The following KIAA0753 variants were observed in gnomAD, a reference collection of about 807,000 sequenced individuals.
The protein encoded by KIAA0753 is KIAA0753, also known as protein moonraker.
KIAA0753 carries 114 observed loss-of-function variants against 116.9 expected under a neutral mutation model. The ratio of observed to expected loss-of-function variants is 0.98; its 90% CI spans 0.84 to 1.14. KIAA0753 has a LOEUF of 1.14. KIAA0753 is among the 50% of genes most tolerant of loss of function. The pLI is 0.00. For missense variants in KIAA0753, 1,156 were observed against 1,172.4 expected, an observed-to-expected ratio of 0.99 and a Z score of 0.20; for synonymous variants, 405 against 413.1, an observed-to-expected ratio of 0.98 and a Z score of 0.24.
intron 2 of KIAA0753, among the ~76,000 whole-genome samples, chr17:6,631,889 A>T (rs1003865826): frequency 2.0e-5 from 3 of 151,826 alleles, no homozygotes; most frequent in Non-Finnish European, 4.4e-5. Context: ...AGTATCTTTT[A>T]TTTATTTATT....
chr17:6,580,913 C>CAA (rs753772949), intron 18 of KIAA0753, among the ~76,000 whole-genome samples: 1 of 149,780 alleles, frequency 6.7e-6, no homozygotes, highest in Non-Finnish European at 1.5e-5. Context: ...CACACACACA[C>CAA]ACACACACAC....
intron 18 of KIAA0753, among the ~76,000 whole-genome samples, chr17:6,585,149 C>CACA (rs66729543): frequency 6.6e-6 from 1 of 151,826 alleles, no homozygotes; most frequent in Non-Finnish European, 1.5e-5. Context: ...TATCTGAGCA[C>CACA]ATGCTAGGTT....
At chr17:6,610,617 C>T (rs1970479310) in intron 8 of KIAA0753, among the ~76,000 whole-genome samples, 1 of 146,214 alleles carries the variant, frequency 6.8e-6, no homozygotes, top group Non-Finnish European at 1.5e-5. Context: ...AACTCCTGGG[C>T]TCAAGCGATT....
intron 7 of KIAA0753, among the ~76,000 whole-genome samples, chr17:6,619,962 C>T (rs1334077232): frequency 3.3e-5 from 5 of 152,104 alleles, no homozygotes; most frequent in Non-Finnish European, 7.4e-5. Flanking sequence ...TTACAATTAA[C>T]TACAAGTTGT....
chr17:6,628,737 T>C lies in KIAA0753; in HGVS notation c.98A>G (p.Gln33Arg), dbSNP rs781241219. Residue 33 changes from glutamine to arginine, a missense_variant, in exon 3 of 19, where the codon CAG becomes CGG. Coordinates refer to ENST00000361413, the MANE Select transcript of KIAA0753 (RefSeq NM_014804.3). ...SDPKVLQTQN[Q>R]LQFNRNVPTH... is the part of the protein sequence containing the mutation. Reference sequence around the variant, plus strand: ...AGGAACATTCCTATTAAACTGCAGCTGGTTCTTTAAAAAGCAAATAAAAGT... The same window carrying C: ...AGGAACATTCCTATTAAACTGCAGCCGGTTCTTTAAAAAGCAAATAAAAGT... 42 of 1,583,430 alleles carry C rather than the reference T, an allele frequency of 2.7e-5. No individual in the cohort carries two copies. The highest frequency in any genetic ancestry group is 3.3e-5 in the Non-Finnish European group (38 of 1,165,832).
chr17:6,617,487 G>A (rs972881568), intron 7 of KIAA0753, among the ~76,000 whole-genome samples: 10 of 152,102 alleles, frequency 6.6e-5, no homozygotes, highest in African/African-American at 2.4e-4. Context: ...CCAGTTTCTG[G>A]CCCAGAGCTC....
intron 16 of KIAA0753, among the ~76,000 whole-genome samples, chr17:6,594,279 C>CG (rs922146986): frequency 5.7e-5 from 1 of 17,604 alleles, no homozygotes; most frequent in African/African-American, 4.7e-4. Flanking sequence ...AGATTCTGAC[C>CG]CCCCCCCCCA....
At chr17:6,594,532 GTGGTTGCCTAC>G (rs1169024947) in intron 16 of KIAA0753, among the ~76,000 whole-genome samples, 1 of 152,232 alleles carries the variant, frequency 6.6e-6, no homozygotes, top group Non-Finnish European at 1.5e-5. Context: ...AGAAAGCACA[GTGGTTGCCTAC>G]GTGGCGGGGC....
Position 6,623,566 on chromosome 17 carries a change from T to C in KIAA0753, c.831A>G (p.Lys277=). The C allele has an allele frequency of 6.2e-7, 1 of 1,609,862 alleles. No individual in the cohort carries two copies. The highest frequency in any genetic ancestry group is 8.5e-7 in the Non-Finnish European group (1 of 1,177,984). ...ATTTATCCAATTCTTCCTGGATTTC[T>C]TTTACCTGTTTTGTAAAGGGGAAAA... ...RMLYVLQQQV[K]EIQEELDKLS... The change falls in exon 5 of 19, where the codon AAA becomes AAG. Residue 277 remains lysine (K), a synonymous_variant. Coordinates refer to ENST00000361413, the MANE Select transcript of KIAA0753 (RefSeq NM_014804.3).
chr17:6,624,393 G>T (rs927010954), intron 4 of KIAA0753, among the ~76,000 whole-genome samples: 2 of 152,094 alleles, frequency 1.3e-5, no homozygotes, highest in Admixed American at 6.5e-5. Context: ...AGGGTTCAGG[G>T]TAACTGATCC....
At chr17:6,623,724 C>T in intron 4 of KIAA0753, 153 bp from the exon 5 acceptor site, 1 of 1,098,972 alleles carries the variant, frequency 9.1e-7, no homozygotes, top group South Asian at 1.9e-5. Context: ...ATTCATGCAC[C>T]CAAAAAACAG....
At position 6,600,408 on chromosome 17, in the gene KIAA0753, C is replaced by T. The variant is rs758932943; in HGVS notation, c.2060G>A (p.Arg687His). Residue 687 changes from arginine to histidine, a missense_variant, in exon 13 of 19, where the codon CGT becomes CAT. Arg to His is a conservative substitution (Grantham distance 29). Transcript: ENST00000361413. ...ADKVEEAVLD[R>H]LKPLLVKAQR... Reference sequence around the variant, plus strand: ...GGCCTTGACCAAGAGAGGCTTCAAACGATCCAGAACTGCCTCCTCTACCTT... The same window carrying T: ...GGCCTTGACCAAGAGAGGCTTCAAATGATCCAGAACTGCCTCCTCTACCTT... The T allele has an allele frequency of 5.6e-6, 9 of 1,613,880 alleles. No individual in the cohort carries two copies. Among genetic ancestry groups the T allele is most frequent in the African/African-American group, 2.7e-5 (2 of 75,022 alleles).
intron 18 of KIAA0753, among the ~76,000 whole-genome samples, chr17:6,585,788 T>C (rs2150732736): frequency 6.6e-6 from 1 of 152,378 alleles, no homozygotes; most frequent in East Asian, 1.9e-4. Flanking sequence ...TGTTTTATTC[T>C]TCTCACTGTA....
intron 18 of KIAA0753, among the ~76,000 whole-genome samples, chr17:6,586,063 GTCTT>G (rs71383412): frequency 0.31 from 47,349 of 151,682 alleles, 9,338 homozygotes; most frequent in African/African-American, 0.56. Flanking sequence ...CTTTGGTGCT[GTCTT>G]TCTTCATGAT....
chr17:6,616,289 T>G (rs1196127396), intron 7 of KIAA0753, among the ~76,000 whole-genome samples: 1 of 152,196 alleles, frequency 6.6e-6, no homozygotes, highest in African/African-American at 2.4e-5. Context: ...TCCAGAGAAC[T>G]TAAGTTTACT....
At position 6,610,167 on chromosome 17, in the gene KIAA0753, G is replaced by A; in HGVS notation, c.1546-7C>T. On this transcript the variant is annotated splice_polypyrimidine_tract_variant and splice_region_variant and intron_variant, in intron 8 of 18. Coordinates refer to ENST00000361413, the MANE Select transcript of KIAA0753 (RefSeq NM_014804.3). ...TTTCAGCTTTGCGGAGTCCCTGTGA[G>A]AGATAAGTAAGAATTATAAGGCCAC... 6.2e-7 allele frequency: 1 copy of A among 1,613,858 alleles called. No homozygotes were observed. The highest frequency in any genetic ancestry group is 8.5e-7 in the Non-Finnish European group (1 of 1,179,832).
rs769716885 is a variant in KIAA0753 at position 6,623,040 on chromosome 17, T to C, written c.946A>G (p.Met316Val). 6.2e-7 allele frequency: 1 copy of C among 1,614,112 alleles called. No homozygotes were observed. Among genetic ancestry groups the C allele is most frequent in the Admixed American group, 1.7e-5 (1 of 60,020 alleles). Residue 316 changes from methionine to valine, a missense_variant, in exon 6 of 19, where the codon ATG (methionine) becomes GTG (valine). Coordinates refer to ENST00000361413, the MANE Select transcript of KIAA0753 (RefSeq NM_014804.3). ...CGGTCAGTAAACTGAGTGACAAACA[T>C]CTGTAAGGCCCGAATGGCTCCTCGA... ...AHRGAIRALQ[M>V]FVTQFTDRGE...
intron 2 of KIAA0753, among the ~76,000 whole-genome samples, chr17:6,633,859 A>G (rs574984860): frequency 1.3e-5 from 2 of 152,306 alleles, no homozygotes; most frequent in East Asian, 3.9e-4. Flanking sequence ...AAAAATAAGA[A>G]TAGTGGCTGC....
At chr17:6,580,472 G>A (rs913612318) in intron 18 of KIAA0753, among the ~76,000 whole-genome samples, 53 of 145,324 alleles carry the variant, frequency 3.6e-4, no homozygotes, top group African/African-American at 1.1e-3. Context: ...CCGCCACCAC[G>A]CCTGGCTAAT....
Sources: allele counts gnomAD v4.1 joint callset (sites outside exome capture counted in the v4.1 genomes callset), GRCh38; gene constraint gnomAD v4.1.1; transcripts MANE v1.5; gene names NCBI Gene and HGNC (gene_info 2026-07-23, HGNC 2026-07-21).